Variants in PTGDR observed in about 807,000 individuals in gnomAD.
PTGDR encodes the protein prostaglandin D2 receptor, also known as PGD2 receptor.
In PTGDR, 19 loss-of-function variants were observed where a neutral mutation model predicts 17.4. The ratio of observed to expected loss-of-function variants is 1.09; its 90% CI spans 0.76 to 1.60. The LOEUF (loss-of-function observed/expected upper bound fraction) is 1.60. Ranked by LOEUF, PTGDR falls within the 40% of genes most tolerant of loss-of-function variation. The probability of loss-of-function intolerance (pLI) is 0.00; values close to 1 mark genes in which losing one functional copy is unlikely to be tolerated. For missense variants in PTGDR, 526 were observed against 481.9 expected, an observed-to-expected ratio of 1.09 and a Z score of -0.86; for synonymous variants, 267 against 224.2, an observed-to-expected ratio of 1.19 and a Z score of -1.71.
intron 1 of PTGDR, among the ~76,000 whole-genome samples, chr14:52,271,749 C>T (rs1013222130): frequency 9.9e-5 from 15 of 152,178 alleles, no homozygotes; most frequent in African/African-American, 3.6e-4. Context: ...ATCTAGCCTC[C>T]ATAAAATTCA....
intron 1 of PTGDR, among the ~76,000 whole-genome samples, chr14:52,270,968 T>C (rs2033313468): frequency 6.6e-6 from 1 of 152,234 alleles, no homozygotes; most frequent in East Asian, 1.9e-4. Flanking sequence ...CCAAATATAT[T>C]TAATGTTGAC....
At chr14:52,272,873 T>A (rs954107851) in intron 1 of PTGDR, among the ~76,000 whole-genome samples, 4 of 152,190 alleles carry the variant, frequency 2.6e-5, no homozygotes, top group Non-Finnish European at 4.4e-5. Flanking sequence ...CTTGTACTTA[T>A]CTTTACCTGG....
Position 52,268,607 on chromosome 14 carries a change from C to T in PTGDR, c.793C>T (p.Leu265=). The part of the protein sequence containing the change: ...PQPLEELDHL[L]LLALMTVLFT... ...GCCCCTGGAGGAGCTGGATCACCTCCTGCTGCTGGCGCTGATGACCGTGCT... is the reference window on the plus strand; with the variant it reads ...GCCCCTGGAGGAGCTGGATCACCTCTTGCTGCTGGCGCTGATGACCGTGCT... Residue 265 remains leucine, a synonymous_variant, in exon 1 of 2, where the codon CTG becomes TTG. Coordinates refer to ENST00000306051, the MANE Select transcript of PTGDR (RefSeq NM_000953.3). The T allele has an allele frequency of 1.9e-6, 3 of 1,607,730 alleles. No individual in the cohort carries two copies. Among genetic ancestry groups the T allele is most frequent in the Non-Finnish European group, 2.5e-6 (3 of 1,177,452 alleles).
Position 52,275,028 on chromosome 14 carries a change from TAAAA to T in PTGDR, c.*72_*75del. 2.0e-6 allele frequency: 2 copies of T among 993,718 alleles called. No homozygotes were observed. The highest frequency in any genetic ancestry group is 2.8e-6 in the Non-Finnish European group (2 of 724,478). The allele number at this position is 993,718 out of a possible 1,614,324, so 61.6% of individuals were successfully genotyped here. ...ACATTTTCAGTCAAAGAACCATGAT[TAAAA>T]AAAAAAAGACAACTTACAATTTAAA... On this transcript the variant is annotated 3_prime_UTR_variant, in exon 2 of 2. Coordinates refer to ENST00000306051, the MANE Select transcript of PTGDR (RefSeq NM_000953.3).
At chr14:52,276,861 C>T (rs1288890597), downstream of PTGDR, 2 of 152,124 alleles carry the variant, frequency 1.3e-5, no homozygotes, top group Non-Finnish European at 2.9e-5. Context: ...TTAACACTTA[C>T]ATTACTTTAA....
intron 1 of PTGDR, among the ~76,000 whole-genome samples, chr14:52,271,377 C>T (rs2033320791): frequency 6.6e-6 from 1 of 152,082 alleles, no homozygotes; most frequent in Non-Finnish European, 1.5e-5. Flanking sequence ...CCCCTTTATA[C>T]TCTTAAAATT....
chr14:52,272,173 G>A (rs1445951439), intron 1 of PTGDR, among the ~76,000 whole-genome samples: 1 of 152,116 alleles, frequency 6.6e-6, no homozygotes, highest in Admixed American at 6.5e-5. Context: ...ATTTGTATTA[G>A]AAATGTATTG....
In PTGDR at chr14:52,275,305, A is replaced by G. The variant is rs1337001975; in HGVS notation, c.*341A>G. On this transcript the variant is annotated 3_prime_UTR_variant, in exon 2 of 2. Transcript: ENST00000306051. ...TTTTTTTAGAGAGGCCTTGAGACAT[A>G]CAGGTCTTTTAAAATACAGTAGAAA... is the stretch of plus-strand genomic sequence containing the variant. 2 of 198,980 alleles carry G rather than the reference A, an allele frequency of 1.0e-5. No individual in the cohort carries two copies. Among genetic ancestry groups the G allele is most frequent in the Non-Finnish European group, 2.1e-5 (2 of 97,262 alleles). The allele number at this position is 198,980 out of a possible 1,614,324, so 12.3% of individuals were successfully genotyped here.
chr14:52,277,307 A>G (rs2033441965), downstream of PTGDR, among the ~76,000 whole-genome samples: 1 of 152,238 alleles, frequency 6.6e-6, no homozygotes, highest in Non-Finnish European at 1.5e-5. Flanking sequence ...CACAGGAAGA[A>G]GATGCATTGA....
At chr14:52,270,797 G>A (rs919450663) in intron 1 of PTGDR, among the ~76,000 whole-genome samples, 3 of 152,158 alleles carry the variant, frequency 2.0e-5, no homozygotes, top group Non-Finnish European at 4.4e-5. Flanking sequence ...ACCTGAGTTT[G>A]AATGTTTTAG....
In PTGDR at chr14:52,275,862, A is replaced by G. The variant is rs904491254; in HGVS notation, c.*898A>G. ...ACTGTAGAGCCATGTTTACTGTTTGACTGTGTGGCACAGGGGGGCATTTGG... is the reference window on the plus strand; with the variant it reads ...ACTGTAGAGCCATGTTTACTGTTTGGCTGTGTGGCACAGGGGGGCATTTGG... On this transcript the variant is annotated 3_prime_UTR_variant, in exon 2 of 2. Transcript: ENST00000306051. The G allele has an allele frequency of 1.3e-5, 2 of 152,568 alleles. No individual in the cohort carries two copies. Among genetic ancestry groups the G allele is most frequent in the Non-Finnish European group, 2.9e-5 (2 of 68,026 alleles). The allele number at this position is 152,568 out of a possible 1,614,324, so 9.5% of individuals were successfully genotyped here.
intron 1 of PTGDR, among the ~76,000 whole-genome samples, chr14:52,269,139 T>C (rs1455007778): frequency 6.6e-6 from 1 of 152,176 alleles, no homozygotes; most frequent in Non-Finnish European, 1.5e-5. Context: ...CTCCCCGGTG[T>C]TGGCATAGAA....
chr14:52,277,741 A>T (rs1429839540), downstream of PTGDR, among the ~76,000 whole-genome samples: 3 of 152,192 alleles, frequency 2.0e-5, no homozygotes, highest in East Asian at 5.8e-4. Flanking sequence ...CTCCAGCTCC[A>T]CGTCAGACCT....
chr14:52,276,957 C>G (rs1181281895), downstream of PTGDR, among the ~76,000 whole-genome samples: 2 of 152,098 alleles, frequency 1.3e-5, no homozygotes, highest in African/African-American at 4.8e-5. Flanking sequence ...ACCTAAGGAC[C>G]TAGTGCTCCT....
chr14:52,280,209 C>T (rs375217637), downstream of PTGDR, among the ~76,000 whole-genome samples: 42 of 152,200 alleles, frequency 2.8e-4, no homozygotes, highest in African/African-American at 8.4e-4. Flanking sequence ...TTTCTTATCA[C>T]TACAAAATAG....
At chr14:52,279,972 T>A (rs1243687317), downstream of PTGDR, among the ~76,000 whole-genome samples, 1 of 152,012 alleles carries the variant, frequency 6.6e-6, no homozygotes, top group Non-Finnish European at 1.5e-5. Flanking sequence ...TAGGGTCCTA[T>A]GATGATCTTA....
chr14:52,268,490 T>C lies in PTGDR; in HGVS notation c.676T>C (p.Tyr226His), dbSNP rs1207694279. The C allele has an allele frequency of 1.9e-6, 3 of 1,610,700 alleles. No homozygotes were observed. The highest frequency in any genetic ancestry group is 2.5e-6 in the Non-Finnish European group (3 of 1,179,908). The stretch of plus-strand genomic sequence containing the variant: ...CAACCTCGGCGCCATGCGCAACCTC[T>C]ATGCGATGCACCGGCGGCTGCAGCG... ...LCNLGAMRNL[Y>H]AMHRRLQRHP... is the part of the protein sequence containing the mutation. Residue 226 changes from tyrosine to histidine, a missense_variant, in exon 1 of 2, where the codon TAT becomes CAT. Physicochemically the swap from Tyr to His is moderately conservative, Grantham distance 83 (BLOSUM62 2). Coordinates refer to ENST00000306051, the MANE Select transcript of PTGDR (RefSeq NM_000953.3).
intron 1 of PTGDR, among the ~76,000 whole-genome samples, chr14:52,272,762 T>G (rs1223634659): frequency 6.6e-6 from 1 of 152,180 alleles, no homozygotes; most frequent in Non-Finnish European, 1.5e-5. Flanking sequence ...CAGCCTCCTT[T>G]GAAAGGAGCA....
chr14:52,268,673 GC>G lies in PTGDR; in HGVS notation c.846+17del, dbSNP rs752174834. On this transcript the variant is annotated intron_variant, in intron 1 of 1. Transcript: ENST00000306051. ...TCTGCCCGTAATTGTGAGTCCCCGGGCCCCGAGGCAGCAGGGCACTGAGACT... is the reference window on the plus strand; with the variant it reads ...TCTGCCCGTAATTGTGAGTCCCCGGGCCCGAGGCAGCAGGGCACTGAGACT... 78 of 1,552,944 alleles carry G rather than the reference GC, an allele frequency of 5.0e-5. No individual in the cohort carries two copies. The highest frequency in any genetic ancestry group is 6.3e-5 in the Non-Finnish European group (72 of 1,147,676).
Sources: gnomAD v4.1 joint callset for allele counts (sites outside exome capture counted in the v4.1 genomes callset) on GRCh38, gnomAD v4.1.1 for gene constraint, MANE v1.5 for transcripts, NCBI Gene and HGNC (gene_info 2026-07-23, HGNC 2026-07-21) for gene names.